The following CCDC125 variants were observed in gnomAD, a reference collection of about 807,000 sequenced individuals.
The protein encoded by CCDC125 is coiled-coil domain-containing protein 125.
Under a neutral mutation model 57.4 loss-of-function variants are expected in CCDC125, and 43 were observed. The observed-to-expected ratio is 0.75, with a 90% confidence interval of 0.59 to 0.97. CCDC125 has a LOEUF of 0.97. Ranked by LOEUF, CCDC125 falls within the 50% of genes least tolerant of loss-of-function variation. The probability of loss-of-function intolerance (pLI) is 0.00; values close to 1 mark genes in which losing one functional copy is unlikely to be tolerated. For synonymous variants in CCDC125, 187 were observed against 195.2 expected (o/e 0.96, Z 0.35); for missense variants, 563 against 595.7 (o/e 0.95, Z 0.57).
chr5:69,314,008 G>A lies in CCDC125; in HGVS notation c.343C>T (p.Gln115Ter), dbSNP rs1251745529. Residue 115 changes from glutamine to a stop codon, truncating the protein, a stop_gained, in exon 3 of 12, where the codon CAA becomes TAA. Transcript: ENST00000396496. LOFTEE classifies it high-confidence loss of function. ...NSELSNEELR[Q>*]CLNETLEEVE... ...ACCTCTAAAGTTTCATTAAGACATT[G>A]CCTTAATTCTTCATTTGACAATTCT... is the stretch of plus-strand genomic sequence containing the variant. 1.3e-5 allele frequency: 21 copies of A among 1,609,892 alleles called. No individual in the cohort carries two copies. Among genetic ancestry groups the A allele is most frequent in the Non-Finnish European group, 1.8e-5 (21 of 1,176,184 alleles).
chr5:69,315,732 C>A (rs2150560709), intron 2 of CCDC125, among the ~76,000 whole-genome samples: 1 of 134,078 alleles, frequency 7.5e-6, no homozygotes, highest in Admixed American at 8.8e-5. Context: ...TGCACTCCAG[C>A]CTGGGCAACA....
intron 1 of CCDC125, among the ~76,000 whole-genome samples, chr5:69,326,041 C>T (rs1561189590): frequency 2.0e-5 from 3 of 151,920 alleles, no homozygotes; most frequent in African/African-American, 7.3e-5. Context: ...AACAGGGTCT[C>T]GGGCCAGCCA....
chr5:69,325,669 C>T (rs1031372344), intron 1 of CCDC125, among the ~76,000 whole-genome samples: 3 of 149,784 alleles, frequency 2.0e-5, no homozygotes, highest in African/African-American at 7.4e-5. Flanking sequence ...ACTAAAAATA[C>T]AAAAATTAGC....
chr5:69,292,176 A>G lies in CCDC125; in HGVS notation c.1099+12T>C. Reference sequence around the variant, plus strand: ...ATTACACCCACTTATTGCCATTATAATTCATAGTTACCATCCTCTTTAAGG... The same window carrying G: ...ATTACACCCACTTATTGCCATTATAGTTCATAGTTACCATCCTCTTTAAGG... On this transcript the variant is annotated intron_variant, in intron 10 of 11. Coordinates refer to ENST00000396496, the MANE Select transcript of CCDC125 (RefSeq NM_176816.5). 1 of 1,599,120 alleles carries G rather than the reference A, an allele frequency of 6.3e-7. No homozygotes were observed. Among genetic ancestry groups the G allele is most frequent in the Non-Finnish European group, 8.5e-7 (1 of 1,172,348 alleles).
chr5:69,299,146 T>G (rs1329989347), intron 8 of CCDC125, among the ~76,000 whole-genome samples: 12 of 151,718 alleles, frequency 7.9e-5, no homozygotes, highest in Non-Finnish European at 2.9e-5. Context: ...GTCTCGCTCT[T>G]TCGCCCAGGC....
intron 8 of CCDC125, among the ~76,000 whole-genome samples, chr5:69,299,456 G>C (rs1471979919): frequency 1.3e-5 from 2 of 152,136 alleles, no homozygotes; most frequent in Admixed American, 1.3e-4. Context: ...TCACTCTACT[G>C]CTCCATTATT....
intron 1 of CCDC125, among the ~76,000 whole-genome samples, chr5:69,321,577 ACAT>A (rs1760028714): frequency 1.3e-5 from 2 of 152,254 alleles, no homozygotes; most frequent in Non-Finnish European, 2.9e-5. Context: ...AAATCGTTAC[ACAT>A]GGGTCAATAT....
At chr5:69,301,403 G>T (rs1246950427) in intron 7 of CCDC125, among the ~76,000 whole-genome samples, 1 of 152,116 alleles carries the variant, frequency 6.6e-6, no homozygotes, top group Admixed American at 6.6e-5. Context: ...GGAGGCCAAG[G>T]TGGGAGGATT....
chr5:69,300,823 C>A (rs1210265809), intron 7 of CCDC125, among the ~76,000 whole-genome samples: 1 of 51,354 alleles, frequency 1.9e-5, no homozygotes, highest in African/African-American at 5.4e-5. Context: ...CCGCTCTCAG[C>A]CCCAGGGCCT....
intron 2 of CCDC125, among the ~76,000 whole-genome samples, chr5:69,317,593 A>G (rs1003518715): frequency 2.0e-5 from 3 of 152,210 alleles, no homozygotes; most frequent in African/African-American, 7.2e-5. Context: ...AGGAAGTTTT[A>G]CAACATAGAT....
rs1754585045 is a variant in CCDC125, at chr5:69,292,325, A to G, written c.962T>C (p.Val321Ala). ...ILQKSKEEAY[V>A]MADAFRIAFE... ...TGCAATTCTGAAAGCATCTGCCATC[A>G]CGTAAGCTTCTTCTTTACTCTTCTG... Residue 321 changes from valine (V) to alanine (A), a missense_variant, in exon 10 of 12, where the codon GTG becomes GCG. Transcript: ENST00000396496. 1 of 1,613,694 alleles carries G rather than the reference A, an allele frequency of 6.2e-7. No individual in the cohort carries two copies. Among genetic ancestry groups the G allele is most frequent in the African/African-American group, 1.3e-5 (1 of 74,920 alleles).
rs1400828514 is a variant in CCDC125 at position 69,280,896 on chromosome 5, G to A, written c.*1833C>T. ...AGCTCACTGCAGCCTCAAGCTCCTG[G>A]GCTCATGCCATCCTCCTGCCTCAGC... On this transcript the variant is annotated 3_prime_UTR_variant, in exon 12 of 12. Transcript: ENST00000396496. The A allele has an allele frequency of 6.6e-6, 1 of 152,284 alleles. No homozygotes were observed. Among genetic ancestry groups the A allele is most frequent in the Non-Finnish European group, 1.5e-5 (1 of 68,138 alleles). The allele number at this position is 152,284 out of a possible 1,614,324, so 9.4% of individuals were successfully genotyped here. A position where few individuals can be genotyped will look rare whatever the true frequency, so the allele number is the denominator to read the frequency against.
the CCDC125 span, among the ~76,000 whole-genome samples, chr5:69,275,129 C>T: frequency 8.0e-5 from 12 of 150,674 alleles, no homozygotes; most frequent in Middle Eastern, 3.5e-3. Flanking sequence ...TTATTTTTAT[C>T]AGAATTGTGG....
chr5:69,287,010 A>C (rs1442199000), intron 10 of CCDC125, among the ~76,000 whole-genome samples: 1 of 151,636 alleles, frequency 6.6e-6, no homozygotes, highest in East Asian at 1.9e-4. Flanking sequence ...AAAAAAAAAA[A>C]AAACCCAAAA....
intron 10 of CCDC125, among the ~76,000 whole-genome samples, chr5:69,286,705 T>C (rs1174981778): frequency 6.6e-6 from 1 of 152,114 alleles, no homozygotes; most frequent in East Asian, 1.9e-4. Flanking sequence ...TCTCAGATTG[T>C]ACAAGGAAAA....
In CCDC125 at chr5:69,306,871, A is replaced by G. The variant is rs1431901934; in HGVS notation, c.563T>C (p.Phe188Ser). 5 of 1,527,222 alleles carry G rather than the reference A, an allele frequency of 3.3e-6. No homozygotes were observed. Among genetic ancestry groups the G allele is most frequent in the Non-Finnish European group, 4.4e-6 (5 of 1,142,630 alleles). 94.6% of individuals were successfully genotyped at this position (1,527,222 alleles called of 1,614,324 possible). ...EINALQWEIE[F>S]DHNRFKNIEE... is the part of the protein sequence containing the mutation. ...TATATTTTTAAATCTATTATGATCA[A>G]ATTCTATTTCCCACTGCAAGGCATT... The change falls in exon 6 of 12, where the codon TTT becomes TCT. Residue 188 changes from phenylalanine to serine, a missense_variant. Transcript: ENST00000396496.
At chr5:69,304,965 G>T (rs1263156710) in intron 6 of CCDC125, among the ~76,000 whole-genome samples, 3 of 151,836 alleles carry the variant, frequency 2.0e-5, no homozygotes, top group Admixed American at 6.6e-5. Context: ...TGTTGTCAGT[G>T]GGGGAGGCTG....
chr5:69,298,033 T>G (rs1755684837), intron 8 of CCDC125, among the ~76,000 whole-genome samples: 1 of 151,464 alleles, frequency 6.6e-6, no homozygotes, highest in Non-Finnish European at 1.5e-5. Context: ...TTTTTTTTTT[T>G]TGAGATGGAG....
intron 1 of CCDC125, among the ~76,000 whole-genome samples, chr5:69,330,504 G>A (rs1055202882): frequency 1.3e-5 from 2 of 151,916 alleles, no homozygotes; most frequent in African/African-American, 4.8e-5. Context: ...TGAGGCAGGA[G>A]AATCGCTTGA....
Sources: gnomAD v4.1 joint callset for allele counts (sites outside exome capture counted in the v4.1 genomes callset) on GRCh38, gnomAD v4.1.1 for gene constraint, MANE v1.5 for transcripts, NCBI Gene and HGNC (gene_info 2026-07-23, HGNC 2026-07-21) for gene names.